Variants in ABLIM1 observed in about 807,000 individuals in gnomAD.
ABLIM1 encodes the protein actin-binding LIM protein 1.
Under a neutral mutation model 107.0 loss-of-function variants are expected in ABLIM1, and 40 were observed. The observed-to-expected ratio is 0.37, with a 90% CI of 0.29 to 0.49. ABLIM1 has a LOEUF of 0.49. Ranked by LOEUF, ABLIM1 falls within the 20% of genes least tolerant of loss-of-function variation. ABLIM1 has a pLI of 0.97. For synonymous variants in ABLIM1, 357 were observed against 357.3 expected (o/e 1.00, Z 0.01); for missense variants, 857 against 1,008.5 (o/e 0.85, Z 2.04).
At chr10:114,571,992 G>T (rs1192686773) in intron 3 of ABLIM1, among the ~76,000 whole-genome samples, 1 of 152,194 alleles carries the variant, frequency 6.6e-6, no homozygotes. Context: ...ATCTGTTTAA[G>T]AATTCATATT....
chr10:114,466,779 T>C (rs1290544601), intron 11 of ABLIM1, among the ~76,000 whole-genome samples: 1 of 152,190 alleles, frequency 6.6e-6, no homozygotes, highest in Non-Finnish European at 1.5e-5. Context: ...GGAGGAATAA[T>C]TTATTCAAAT....
chr10:114,768,335 G>A (rs1241153595), upstream of ABLIM1, among the ~76,000 whole-genome samples: 1 of 148,498 alleles, frequency 6.7e-6, no homozygotes, highest in Non-Finnish European at 1.5e-5. Flanking sequence ...GCCCCGAGCC[G>A]CCGGGGCCCA....
At chr10:114,798,644 AG>A in the ABLIM1 span, among the ~76,000 whole-genome samples, 3 of 150,162 alleles carry the variant, frequency 2.0e-5, no homozygotes, top group Admixed American at 2.0e-4. Flanking sequence ...TGGGAAGCCG[AG>A]GTGGGAGGAT....
chr10:114,768,236 C>T (rs1246628442), upstream of ABLIM1, among the ~76,000 whole-genome samples: 1 of 148,392 alleles, frequency 6.7e-6, no homozygotes, highest in Non-Finnish European at 1.5e-5. Context: ...GCAGCAAGGC[C>T]GACGGGCGGG....
At chr10:114,789,627 T>C in the ABLIM1 span, among the ~76,000 whole-genome samples, 1 of 152,208 alleles carries the variant, frequency 6.6e-6, no homozygotes. Context: ...CTGACTGGTG[T>C]GAGACGGTAT....
intron 5 of ABLIM1, 125 bp from the exon 6 acceptor site, chr10:114,545,223 C>T: frequency 1.2e-6 from 1 of 828,754 alleles, no homozygotes; most frequent in Non-Finnish European, 2.0e-6. Context: ...GCCCAGTGTT[C>T]ACATGCCTGG....
chr10:114,529,518 A>G (rs1164441181), intron 6 of ABLIM1, among the ~76,000 whole-genome samples: 2 of 152,158 alleles, frequency 1.3e-5, no homozygotes, highest in African/African-American at 2.4e-5. Context: ...GGATGGGGTC[A>G]AAGAGGATGG....
rs1472946144 is a variant in ABLIM1, at chr10:114,572,950, C to A, written c.564-1544G>T. On this transcript the variant is annotated intron_variant, in intron 3 of 22. Transcript: ENST00000533213. ...TTTACCTGTTGCATGCCCAGAGGCA[C>A]CTCGCTTACCCCACCCAAGCCCAAG... is the stretch of plus-strand genomic sequence containing the variant. Among the ~76,000 whole-genome samples, 6 of 152,186 alleles carry A rather than the reference C, an allele frequency of 3.9e-5. No homozygotes were observed. The East Asian group carries it at 7.7e-4, about 20-fold the overall frequency.
Position 114,433,684 on chromosome 10 carries a change from T to C in ABLIM1, c.*2576A>G, listed in dbSNP as rs146673494. 2 of 152,314 alleles carry C rather than the reference T, an allele frequency of 1.3e-5. No homozygotes were observed. The highest frequency in any genetic ancestry group is 1.3e-4 in the Admixed American group (2 of 15,306). The allele number at this position is 152,314 out of a possible 1,614,324, so 9.4% of individuals were successfully genotyped here. A position where few individuals can be genotyped will look rare whatever the true frequency, so the allele number is the denominator to read the frequency against. ...AGGGTTCAGTTCTTTATCACTGCAA[T>C]CTTAGGCAGGCCCCTTAACTCCTAG... On this transcript the variant is annotated 3_prime_UTR_variant, in exon 23 of 23. Coordinates refer to ENST00000533213, the MANE Select transcript of ABLIM1 (RefSeq NM_002313.7).
chr10:114,761,135 G>A (rs144603460), intron 1 of ABLIM1, among the ~76,000 whole-genome samples: 6 of 152,238 alleles, frequency 3.9e-5, no homozygotes, highest in Admixed American at 6.5e-5. Context: ...CTAGAGTGAT[G>A]CTTGGGACAA....
At chr10:114,473,620 A>G (rs951490380) in intron 9 of ABLIM1, among the ~76,000 whole-genome samples, 2 of 152,030 alleles carry the variant, frequency 1.3e-5, no homozygotes, top group South Asian at 4.1e-4. Flanking sequence ...ACGGAGTCTT[A>G]GGTGCAAGAA....
chr10:114,718,924 T>C (rs540871571), intron 1 of ABLIM1, among the ~76,000 whole-genome samples: 2 of 152,296 alleles, frequency 1.3e-5, no homozygotes, highest in South Asian at 2.1e-4. Flanking sequence ...CCAAAGAAAC[T>C]ATTAACAGTG....
the ABLIM1 span, among the ~76,000 whole-genome samples, chr10:114,795,601 T>C: frequency 6.6e-6 from 1 of 151,824 alleles, no homozygotes; most frequent in Non-Finnish European, 1.5e-5. Flanking sequence ...ATCAGCCACT[T>C]GGGAGGCTGA....
At position 114,490,211 on chromosome 10, in the gene ABLIM1, T is replaced by C. The variant is rs993367828; in HGVS notation, c.982+1580A>G. ...TCCTTGGGAAAACGTGTCATATAAA[T>C]CCCGCATGAGGCCACAGATGCGGGT... On this transcript the variant is annotated intron_variant, in intron 7 of 22. Transcript: ENST00000533213. Among the ~76,000 whole-genome samples, 11 of 152,322 alleles carry C rather than the reference T, an allele frequency of 7.2e-5. No individual in the cohort carries two copies. The South Asian group carries it at 2.1e-3, about 29-fold the overall frequency.
chr10:114,660,516 A>C (rs4084837), upstream of ABLIM1, among the ~76,000 whole-genome samples: 5 of 152,274 alleles, frequency 3.3e-5, no homozygotes, highest in East Asian at 3.9e-4. Flanking sequence ...CAAAAAAAAA[A>C]CCGTATTTCC....
intron 6 of ABLIM1, among the ~76,000 whole-genome samples, chr10:114,520,272 C>T (rs1196781334): frequency 2.0e-5 from 3 of 152,234 alleles, no homozygotes; most frequent in African/African-American, 7.2e-5. Context: ...TCTTGGCCTT[C>T]TGTTCTGCAG....
intron 1 of ABLIM1, among the ~76,000 whole-genome samples, chr10:114,644,294 AAAAAAAAAAAAAATAT>A (rs1378215304): frequency 2.0e-5 from 2 of 98,274 alleles, no homozygotes; most frequent in African/African-American, 1.1e-4. Flanking sequence ...AAAAAAAAAA[AAAAAAAAAAAAAATAT>A]ATATATATAT....
chr10:114,687,544 C>T (rs2080971651), upstream of ABLIM1, among the ~76,000 whole-genome samples: 1 of 152,196 alleles, frequency 6.6e-6, no homozygotes, highest in African/African-American at 2.4e-5. Context: ...CTGTCGTACC[C>T]TGGTAACACA....
At chr10:114,535,727 C>A (rs541314186) in intron 6 of ABLIM1, among the ~76,000 whole-genome samples, 22 of 152,306 alleles carry the variant, frequency 1.4e-4, no homozygotes, top group Admixed American at 9.8e-4. Context: ...ACATACCATA[C>A]AATTCACCCT....
Sources: gnomAD v4.1 joint callset for allele counts (sites outside exome capture counted in the v4.1 genomes callset) on GRCh38, gnomAD v4.1.1 for gene constraint, MANE v1.5 for transcripts, NCBI Gene and HGNC (gene_info 2026-07-23, HGNC 2026-07-21) for gene names.